ETS1: variants seen among roughly 807,000 people sequenced by gnomAD.
The protein encoded by ETS1 is ETS proto-oncogene 1, transcription factor.
Under a neutral mutation model 58.6 loss-of-function variants are expected in ETS1, and 15 were observed. The ratio of observed to expected loss-of-function variants is 0.26; its 90% CI spans 0.17 to 0.39. The LOEUF (loss-of-function observed/expected upper bound fraction) is 0.39. Ranked by LOEUF, ETS1 falls within the 10% of genes least tolerant of loss-of-function variation. The pLI is 1.00. For missense variants in ETS1, 417 were observed against 610.5 expected, an observed-to-expected ratio of 0.68 and a Z score of 3.34; for synonymous variants, 214 against 218.2, an observed-to-expected ratio of 0.98 and a Z score of 0.17.
chr11:128,480,435 C>G lies in ETS1; in HGVS notation c.879G>C (p.Gln293His). The part of the protein sequence containing the change: ...GRTSRGKLGG[Q>H]DSFESIESYD... ...AGCTCTCTATGCTTTCAAAAGAGTC[C>G]TGGCCCCCGAGTTTACCTGGAGGTA... Residue 293 changes from glutamine (Q) to histidine (H), a missense_variant, in exon 8 of 10, where the codon CAG becomes CAC. By Grantham distance (24) the Gln-to-His change is conservative (BLOSUM62 0). This residue lies in a region of ETS1 where 139 missense variants were observed against 152.1 expected (regional missense o/e 0.91). Transcript: ENST00000392668. 4 of 1,612,818 alleles carry G rather than the reference C, an allele frequency of 2.5e-6. No homozygotes were observed. Among genetic ancestry groups the G allele is most frequent in the Non-Finnish European group, 3.4e-6 (4 of 1,179,040 alleles).
chr11:128,566,579 C>T (rs574038391), intron 2 of ETS1, among the ~76,000 whole-genome samples: 32 of 152,144 alleles, frequency 2.1e-4, no homozygotes, highest in Middle Eastern at 3.4e-3. Flanking sequence ...GTCAGGAGAT[C>T]GAGACCATCC....
intron 3 of ETS1, among the ~76,000 whole-genome samples, chr11:128,532,216 A>G (rs1188099916): frequency 6.6e-6 from 1 of 152,170 alleles, no homozygotes; most frequent in Non-Finnish European, 1.5e-5. Context: ...AATTCAGAAA[A>G]AGTATTCTGC....
At chr11:128,480,060 G>C (rs1862438529) in intron 8 of ETS1, 131 bp downstream of exon 8, 1 of 1,225,266 alleles carries the variant, frequency 8.2e-7, no homozygotes, top group East Asian at 2.5e-5. Context: ...AATTCTTAGA[G>C]AGACTTCTCC....
intron 3 of ETS1, among the ~76,000 whole-genome samples, chr11:128,511,837 C>T (rs1863400199): frequency 6.6e-6 from 1 of 152,232 alleles, no homozygotes; most frequent in African/African-American, 2.4e-5. Context: ...CATGTTCTAA[C>T]TCTCCGCTTA....
chr11:128,578,779 C>G (rs796751537), intron 1 of ETS1, among the ~76,000 whole-genome samples: 12 of 152,260 alleles, frequency 7.9e-5, no homozygotes, highest in African/African-American at 2.6e-4. Flanking sequence ...ATGCTATGGA[C>G]ATTTTTCTCT....
chr11:128,570,767 G>A (rs2135577384), intron 2 of ETS1, among the ~76,000 whole-genome samples: 1 of 152,172 alleles, frequency 6.6e-6, no homozygotes, highest in Non-Finnish European at 1.5e-5. Flanking sequence ...CTCTATGTGA[G>A]GAAAAGGAGG....
chr11:128,500,896 C>G (rs1034857766), intron 3 of ETS1, among the ~76,000 whole-genome samples: 1 of 152,168 alleles, frequency 6.6e-6, no homozygotes, highest in Non-Finnish European at 1.5e-5. Context: ...AGTCTTCTCA[C>G]TTAAGACATT....
intron 3 of ETS1, among the ~76,000 whole-genome samples, chr11:128,532,454 G>A (rs977523487): frequency 6.6e-6 from 1 of 152,158 alleles, no homozygotes; most frequent in Non-Finnish European, 1.5e-5. Context: ...TAGTCTTCTC[G>A]CTAGTTGCCC....
chr11:128,492,071 G>A (rs1208800919), intron 3 of ETS1, among the ~76,000 whole-genome samples: 1 of 152,204 alleles, frequency 6.6e-6, no homozygotes, highest in African/African-American at 2.4e-5. Flanking sequence ...TAGCTTTCCT[G>A]TTACCTTTTG....
intron 3 of ETS1, among the ~76,000 whole-genome samples, chr11:128,545,228 G>A (rs1364374821): frequency 6.6e-6 from 1 of 152,144 alleles, no homozygotes; most frequent in Admixed American, 6.5e-5. Context: ...TCAGGTAACA[G>A]TGTCTTGTTT....
chr11:128,581,189 G>T (rs1001863300), intron 1 of ETS1, among the ~76,000 whole-genome samples: 6 of 152,104 alleles, frequency 3.9e-5, no homozygotes, highest in Non-Finnish European at 5.9e-5. Context: ...TGGACAGAAA[G>T]GTCTTGCTTC....
At chr11:128,568,530 AC>A (rs1404354797) in intron 2 of ETS1, among the ~76,000 whole-genome samples, 5 of 152,140 alleles carry the variant, frequency 3.3e-5, no homozygotes, top group Non-Finnish European at 7.3e-5. Context: ...CCACACAATG[AC>A]CAGACAACTT....
intron 2 of ETS1, among the ~76,000 whole-genome samples, chr11:128,570,198 T>C (rs1864596195): frequency 6.6e-6 from 1 of 151,990 alleles, no homozygotes; most frequent in Admixed American, 6.6e-5. Flanking sequence ...ACTAAGTACA[T>C]ATTTGTGTGA....
rs1357394739 is a variant in ETS1, at chr11:128,558,635, A to G, written c.70-2200T>C. ...CACTGCACTCCAGCCTGGGTGACAG[A>G]GCAATATCCATCCCAAAAAAAAAAA... On this transcript the variant is annotated intron_variant, in intron 2 of 9. Transcript: ENST00000392668. Among the ~76,000 whole-genome samples, 3 of 128,670 alleles carry G rather than the reference A, an allele frequency of 2.3e-5. No homozygotes were observed. The East Asian group carries it at 7.0e-4, about 30-fold the overall frequency. The allele number at this position is 128,670 out of a possible 152,430, so 84.4% of individuals were successfully genotyped here.
chr11:128,474,460 T>C (rs772308780), intron 8 of ETS1, among the ~76,000 whole-genome samples: 44 of 152,186 alleles, frequency 2.9e-4, no homozygotes, highest in Non-Finnish European at 4.1e-4. Context: ...AGCAGATGAT[T>C]AAGAAAAATT....
Position 128,462,388 on chromosome 11 carries a change from C to G in ETS1, c.1431G>C (p.Leu477=). The G allele has an allele frequency of 2.5e-6, 4 of 1,613,774 alleles. No individual in the cohort carries two copies. Among genetic ancestry groups the G allele is most frequent in the Non-Finnish European group, 3.4e-6 (4 of 1,179,638 alleles). The change falls in exon 10 of 10, where the codon CTG becomes CTC. Residue 477 remains leucine, a synonymous_variant. Transcript: ENST00000392668. ...GYTPEELHAM[L]DVKPDADE ...ACTCGTCGGCATCTGGCTTGACGTCCAGCATGGCGTGCAGCTCCTCAGGGG... is the reference window on the plus strand; with the variant it reads ...ACTCGTCGGCATCTGGCTTGACGTCGAGCATGGCGTGCAGCTCCTCAGGGG...
chr11:128,467,101 G>A (rs1193946735), intron 8 of ETS1, among the ~76,000 whole-genome samples: 2 of 152,176 alleles, frequency 1.3e-5, no homozygotes, highest in Admixed American at 6.5e-5. Context: ...TTTGTTGTGG[G>A]GAGCAAGAGA....
intron 3 of ETS1, among the ~76,000 whole-genome samples, chr11:128,540,571 G>A (rs1864041937): frequency 6.6e-6 from 1 of 152,102 alleles, no homozygotes; most frequent in Non-Finnish European, 1.5e-5. Flanking sequence ...CTGCCCAGTG[G>A]GGTCTATGAA....
intron 1 of ETS1, among the ~76,000 whole-genome samples, chr11:128,585,329 A>AAGGAAGGAAGGG (rs1865010607): frequency 8.4e-6 from 1 of 119,608 alleles, no homozygotes; most frequent in Admixed American, 8.2e-5. Flanking sequence ...GGAAGGAAGG[A>AAGGAAGGAAGGG]AGCAAGGAAG....
Sources: gnomAD v4.1 joint callset for allele counts (sites outside exome capture counted in the v4.1 genomes callset) on GRCh38, gnomAD v4.1.1 for gene constraint, gnomAD v4.1.1 regional missense constraint, MANE v1.5 for transcripts, NCBI Gene and HGNC (gene_info 2026-07-23, HGNC 2026-07-21) for gene names.